Variants in IL20RB observed in about 807,000 individuals in gnomAD.
IL20RB encodes the protein interleukin-20 receptor subunit beta.
A neutral mutation model predicts 33.3 loss-of-function variants in IL20RB; 21 were observed. That is an observed-to-expected ratio of 0.63 (90% CI 0.45 to 0.91). The LOEUF (loss-of-function observed/expected upper bound fraction) is 0.91, where lower values mean the gene tolerates loss of function less well. Ranked by LOEUF, IL20RB falls within the 40% of genes least tolerant of loss-of-function variation. IL20RB has a pLI of 0.00. For missense variants in IL20RB, 345 were observed against 384.8 expected, an observed-to-expected ratio of 0.90 and a Z score of 0.86; for synonymous variants, 147 against 146.8, an observed-to-expected ratio of 1.00 and a Z score of -0.01.
intron 6 of IL20RB, among the ~76,000 whole-genome samples, chr3:137,004,124 G>A (rs1354312058): frequency 1.3e-5 from 2 of 152,162 alleles, no homozygotes; most frequent in Admixed American, 6.5e-5. Context: ...AGTTGATCGT[G>A]GTGGATAAGC....
chr3:136,980,704 C>G (rs1941750112), intron 2 of IL20RB, 112 bp downstream of exon 2: 1 of 1,049,622 alleles, frequency 9.5e-7, no homozygotes, highest in Non-Finnish European at 1.5e-6. Context: ...ATAGATTATC[C>G]CCAAAGATCT....
At chr3:136,994,482 T>C (rs562144767) in intron 5 of IL20RB, among the ~76,000 whole-genome samples, 1 of 152,326 alleles carries the variant, frequency 6.6e-6, no homozygotes, top group East Asian at 1.9e-4. Flanking sequence ...TATCTCTTGA[T>C]GCATACCACC....
intron 4 of IL20RB, among the ~76,000 whole-genome samples, chr3:136,990,825 G>T (rs1303402592): frequency 8.3e-6 from 1 of 119,866 alleles, no homozygotes; most frequent in Non-Finnish European, 1.8e-5. Context: ...ACTGGGTTTC[G>T]GTATTTACCC....
chr3:136,961,467 G>C (rs1254286397), intron 1 of IL20RB, among the ~76,000 whole-genome samples: 1 of 151,558 alleles, frequency 6.6e-6, no homozygotes, highest in Admixed American at 6.6e-5. Flanking sequence ...GGTGCTGTCT[G>C]GATGTTGGGA....
rs114328001 is a variant in IL20RB at position 136,993,410 on chromosome 3, A to G, written c.682+1322A>G. Among the ~76,000 whole-genome samples the G allele has an allele frequency of 5.3e-3, 803 of 152,298 alleles. 12 individuals carry two copies. The highest frequency in any genetic ancestry group is 0.018 in the African/African-American group (762 of 41,566). On this transcript the variant is annotated intron_variant, in intron 5 of 6. Transcript: ENST00000329582. ...TGTGAACATCTTTTCATGTCAATAC[A>G]TATGGATCTACCTCATTCTTTTTTA...
chr3:136,992,971 C>T (rs1942061866), intron 5 of IL20RB, among the ~76,000 whole-genome samples: 1 of 152,194 alleles, frequency 6.6e-6, no homozygotes, highest in Non-Finnish European at 1.5e-5. Flanking sequence ...ATATCCATAA[C>T]ATTTTTCATG....
At chr3:136,987,888 G>A (rs1439213237) in intron 3 of IL20RB, among the ~76,000 whole-genome samples, 1 of 152,152 alleles carries the variant, frequency 6.6e-6, no homozygotes, top group Admixed American at 6.5e-5. Context: ...CGAGTGCGGG[G>A]CCCACCAAGC....
rs71134422 is a variant in IL20RB, at chr3:136,970,611, T to TTTCCTTCCTTCCTTCC, written c.89-9816_89-9801dup. On this transcript the variant is annotated intron_variant, in intron 1 of 6. Transcript: ENST00000329582. ...ATTAAAATGGTTTTAGTTATTCTAG[T>TTTCCTTCCTTCCTTCC]TTCCTTCCTTCCTTCCTTCCTTCCT... Among the ~76,000 whole-genome samples, 680 of 142,112 alleles carry TTTCCTTCCTTCCTTCC rather than the reference T, an allele frequency of 4.8e-3. 5 individuals carry two copies. Among genetic ancestry groups the TTTCCTTCCTTCCTTCC allele is most frequent in the Middle Eastern group, 0.018 (5 of 280 alleles). The allele number at this position is 142,112 out of a possible 152,430, so 93.2% of individuals were successfully genotyped here.
intron 3 of IL20RB, among the ~76,000 whole-genome samples, chr3:136,986,285 TC>T (rs1359770852): frequency 4.3e-4 from 66 of 152,168 alleles, no homozygotes; most frequent in Non-Finnish European, 8.7e-4. Flanking sequence ...ATGTTTACCT[TC>T]TAAAGCTTCC....
intron 1 of IL20RB, among the ~76,000 whole-genome samples, chr3:136,978,330 T>A (rs1174082062): frequency 6.6e-6 from 1 of 152,020 alleles, no homozygotes; most frequent in African/African-American, 2.4e-5. Context: ...CACACCCAGC[T>A]AATTTTTCTA....
chr3:136,993,277 G>A (rs372497701), intron 5 of IL20RB, among the ~76,000 whole-genome samples: 75 of 152,150 alleles, frequency 4.9e-4, no homozygotes, highest in African/African-American at 9.7e-4. Flanking sequence ...TGAGTCTGGC[G>A]TTTAATCTTC....
chr3:137,004,185 T>C (rs1488896336), intron 6 of IL20RB, among the ~76,000 whole-genome samples: 1 of 152,250 alleles, frequency 6.6e-6, no homozygotes, highest in Non-Finnish European at 1.5e-5. Flanking sequence ...TGAGAATTTT[T>C]GCATTGATAT....
chr3:136,970,286 C>T (rs927731426), intron 1 of IL20RB, among the ~76,000 whole-genome samples: 2 of 151,782 alleles, frequency 1.3e-5, no homozygotes, highest in South Asian at 2.1e-4. Context: ...ATAGAGATAG[C>T]GTTTTGCCAT....
intron 1 of IL20RB, among the ~76,000 whole-genome samples, chr3:136,978,086 G>A (rs954908447): frequency 2.6e-5 from 4 of 151,592 alleles, no homozygotes; most frequent in Admixed American, 6.6e-5. Context: ...TTAGCTGTAG[G>A]TTTTTTGTAG....
intron 6 of IL20RB, among the ~76,000 whole-genome samples, chr3:137,002,448 C>T (rs927012776): frequency 2.6e-5 from 4 of 152,192 alleles, no homozygotes; most frequent in African/African-American, 9.7e-5. Context: ...TGTATCCTGA[C>T]TTTTTAATGA....
intron 1 of IL20RB, among the ~76,000 whole-genome samples, chr3:136,979,340 G>C (rs974166678): frequency 1.3e-5 from 2 of 152,192 alleles, no homozygotes; most frequent in African/African-American, 4.8e-5. Context: ...TGTGGTCACA[G>C]GGCTTGATAA....
intron 1 of IL20RB, among the ~76,000 whole-genome samples, chr3:136,975,852 A>C (rs138864792): frequency 6.6e-6 from 1 of 152,218 alleles, no homozygotes; most frequent in Non-Finnish European, 1.5e-5. Context: ...GTTGGTGGTT[A>C]CCAGAATGCT....
chr3:136,989,430 C>T lies in IL20RB; in HGVS notation c.407-11C>T. The stretch of plus-strand genomic sequence containing the variant: ...GGGCTGGCTTTGACTCTCCTGTTGT[C>T]TTGCCAACAGCCATCCTTACCCGAC... On this transcript the variant is annotated splice_polypyrimidine_tract_variant and intron_variant, in intron 3 of 6. Coordinates refer to ENST00000329582, the MANE Select transcript of IL20RB (RefSeq NM_144717.4). 3 of 1,613,416 alleles carry T rather than the reference C, an allele frequency of 1.9e-6. No homozygotes were observed. The highest frequency in any genetic ancestry group is 2.5e-6 in the Non-Finnish European group (3 of 1,179,584).
rs1933061487 is a variant in IL20RB, at chr3:137,010,342, C to T, written c.*119C>T. On this transcript the variant is annotated 3_prime_UTR_variant, in exon 7 of 7. Coordinates refer to ENST00000329582, the MANE Select transcript of IL20RB (RefSeq NM_144717.4). Reference sequence around the variant, plus strand: ...CAAGGGATGAGAGAAGTAGGAAGAGCCTGTTGTCTACAAGTCTAGAAGCAA... The same window carrying T: ...CAAGGGATGAGAGAAGTAGGAAGAGTCTGTTGTCTACAAGTCTAGAAGCAA... 1.5e-6 allele frequency: 1 copy of T among 652,640 alleles called. No homozygotes were observed. Among genetic ancestry groups the T allele is most frequent in the Admixed American group, 2.6e-5 (1 of 38,654 alleles). The allele number at this position is 652,640 out of a possible 1,614,324, so 40.4% of individuals were successfully genotyped here. A position where few individuals can be genotyped will look rare whatever the true frequency, so the allele number is the denominator to read the frequency against.
Sources: allele counts gnomAD v4.1 joint callset (sites outside exome capture counted in the v4.1 genomes callset), GRCh38; gene constraint gnomAD v4.1.1; transcripts MANE v1.5; gene names NCBI Gene and HGNC (gene_info 2026-07-23, HGNC 2026-07-21).